The following PNPLA3 variants were observed in gnomAD, a reference collection of about 807,000 sequenced individuals.
PNPLA3 encodes patatin like domain 3, 1-acylglycerol-3-phosphate O-acyltransferase.
In PNPLA3, 42 loss-of-function variants were observed where a neutral mutation model predicts 43.1. The observed-to-expected ratio is 0.97, with a 90% CI of 0.76 to 1.26. The LOEUF (loss-of-function observed/expected upper bound fraction) is 1.26, where lower values mean the gene tolerates loss of function less well. Ranked by LOEUF, PNPLA3 falls within the 50% of genes most tolerant of loss-of-function variation. The probability of loss-of-function intolerance (pLI) is 0.00; values close to 1 mark genes in which losing one functional copy is unlikely to be tolerated. For synonymous variants in PNPLA3, 272 were observed against 253.6 expected, an observed-to-expected ratio of 1.07 and a Z score of -0.69; for missense variants, 647 against 621.4, an observed-to-expected ratio of 1.04 and a Z score of -0.44.
chr22:43,927,820 G>A (rs2049935016), intron 2 of PNPLA3, among the ~76,000 whole-genome samples: 2 of 152,152 alleles, frequency 1.3e-5, no homozygotes, highest in South Asian at 4.1e-4. Flanking sequence ...TGTTGCCCAG[G>A]CTGGTCCCAA....
At chr22:43,944,602 T>C in intron 7 of PNPLA3, 89 bp from the exon 8 acceptor site, 1 of 1,022,070 alleles carries the variant, frequency 9.8e-7, no homozygotes. Flanking sequence ...TTGGAGGTGA[T>C]GTTGGCAGCT....
In PNPLA3 at chr22:43,936,602, CT is replaced by C. The variant is rs550457731; in HGVS notation, c.758-448del. Among the ~76,000 whole-genome samples, 13 of 152,342 alleles carry C rather than the reference CT, an allele frequency of 8.5e-5. No individual in the cohort carries two copies. In the South Asian group the frequency reaches 1.9e-3, roughly 22 times the overall value. The stretch of plus-strand genomic sequence containing the variant: ...TCAGACCCAGCTTCAAATCCTGGCT[CT>C]GCTATGTATTGGCTGCGTGGCTTTA... On this transcript the variant is annotated intron_variant, in intron 5 of 8. Transcript: ENST00000216180.
chr22:43,946,939 G>C lies in PNPLA3; in HGVS notation c.*557G>C. The C allele has an allele frequency of 3.2e-6, 1 of 311,290 alleles. No individual in the cohort carries two copies. The highest frequency in any genetic ancestry group is 6.3e-6 in the Non-Finnish European group (1 of 158,778). 19.3% of individuals were successfully genotyped at this position (311,290 alleles called of 1,614,324 possible). A position where few individuals can be genotyped will look rare whatever the true frequency, so the allele number is the denominator to read the frequency against. ...CAAGATGATAATCTACTTAATTTTA[G>C]AACACCTTTTTCACCTAACTAAAAT... On this transcript the variant is annotated 3_prime_UTR_variant, in exon 9 of 9. Transcript: ENST00000216180.
At chr22:43,934,274 G>A (rs185938283) in intron 4 of PNPLA3, among the ~76,000 whole-genome samples, 3 of 146,248 alleles carry the variant, frequency 2.1e-5, no homozygotes, top group African/African-American at 7.7e-5. Context: ...CCGAGATCAC[G>A]CCACTGCACT....
chr22:43,934,763 G>A, intron 5 of PNPLA3, 97 bp downstream of exon 5: 1 of 1,142,596 alleles, frequency 8.8e-7, no homozygotes, highest in South Asian at 1.3e-5. Context: ...CTAACACTTA[G>A]TGCCCAACGC....
chr22:43,929,361 A>G (rs2049946621), intron 3 of PNPLA3, among the ~76,000 whole-genome samples: 1 of 151,614 alleles, frequency 6.6e-6, no homozygotes, highest in African/African-American at 2.4e-5. Context: ...CTGTAATCCC[A>G]GCTGCTCGGG....
At chr22:43,929,187 T>C (rs778269811) in intron 3 of PNPLA3, among the ~76,000 whole-genome samples, 1 of 152,178 alleles carries the variant, frequency 6.6e-6, no homozygotes, top group African/African-American at 2.4e-5. Flanking sequence ...TTAAACTATA[T>C]GATGTTGGCC....
Position 43,934,627 on chromosome 22 carries a change from C to A in PNPLA3, c.718C>A (p.Arg240=). 6.2e-7 allele frequency: 1 copy of A among 1,613,866 alleles called. No individual in the cohort carries two copies. Among genetic ancestry groups the A allele is most frequent in the Non-Finnish European group, 8.5e-7 (1 of 1,179,856 alleles). The change falls in exon 5 of 9, where the codon CGA becomes AGA. Residue 240 remains arginine (R), a synonymous_variant. Transcript: ENST00000216180. ...DLKVLGEICL[R]GYLDAFRFLE... is the part of the protein sequence containing the mutation. ...ACAGGTGCTGGGAGAGATATGCCTTCGAGGATATTTGGATGCATTCAGGTT... is the reference window on the plus strand; with the variant it reads ...ACAGGTGCTGGGAGAGATATGCCTTAGAGGATATTTGGATGCATTCAGGTT...
intron 3 of PNPLA3, among the ~76,000 whole-genome samples, chr22:43,931,779 G>A (rs886102420): frequency 2.0e-5 from 3 of 152,178 alleles, no homozygotes; most frequent in Admixed American, 1.3e-4. Context: ...GCCTTCCAAA[G>A]TGCTGGGATT....
intron 2 of PNPLA3, among the ~76,000 whole-genome samples, chr22:43,928,531 C>T (rs1470250374): frequency 6.6e-6 from 1 of 151,898 alleles, no homozygotes; most frequent in Non-Finnish European, 1.5e-5. Context: ...CATGAGCCAA[C>T]AACCCTTGGT....
chr22:43,936,643 C>T (rs1040650867), intron 5 of PNPLA3, among the ~76,000 whole-genome samples: 7 of 152,196 alleles, frequency 4.6e-5, no homozygotes, highest in African/African-American at 1.4e-4. Context: ...AGTCTTTTAA[C>T]CTTGCTGTGC....
At chr22:43,928,437 C>T (rs998672331) in intron 2 of PNPLA3, among the ~76,000 whole-genome samples, 14 of 152,198 alleles carry the variant, frequency 9.2e-5, no homozygotes, top group African/African-American at 2.9e-4. Flanking sequence ...TGGGGAGGGA[C>T]GCAGAATCTC....
Position 43,927,126 on chromosome 22 carries a change from G to C in PNPLA3, c.379G>C (p.Val127Leu). 3 of 1,614,220 alleles carry C rather than the reference G, an allele frequency of 1.9e-6. No homozygotes were observed. The highest frequency in any genetic ancestry group is 4.5e-5 in the East Asian group (2 of 44,890). ...SLTRVSDGENVLVSDFRSKDE... is the reference protein window; with the variant it reads ...SLTRVSDGENLLVSDFRSKDE... ...TACCAGAGTGTCTGATGGGGAAAAC[G>C]TTCTGGTGTCTGACTTTCGGTCCAA... is the stretch of plus-strand genomic sequence containing the variant. The change falls in exon 2 of 9, where the codon GTT becomes CTT. Residue 127 changes from valine (V) to leucine (L), a missense_variant. Transcript: ENST00000216180.
At position 43,946,279 on chromosome 22, in the gene PNPLA3, C is replaced by A. The variant is rs758435999; in HGVS notation, c.1343C>A (p.Ser448Tyr). 10 of 1,614,200 alleles carry A rather than the reference C, an allele frequency of 6.2e-6. No individual in the cohort carries two copies. The highest frequency in any genetic ancestry group is 7.6e-6 in the Non-Finnish European group (9 of 1,180,040). ...AETKAEATPR[S>Y]ILRSSLNFFL... ...ACCAAAGCAGAGGCCACCCCGCGGT[C>A]CATCCTCAGGTCCAGCCTGAACTTC... Residue 448 changes from serine to tyrosine, a missense_variant, in exon 9 of 9, where the codon TCC (serine) becomes TAC (tyrosine). Ser to Tyr is a moderately radical substitution (Grantham distance 144). Transcript: ENST00000216180.
Position 43,937,286 on chromosome 22 carries a change from G to C in PNPLA3, c.979+14G>C, listed in dbSNP as rs201018970. The C allele has an allele frequency of 6.2e-7, 1 of 1,610,512 alleles. No individual in the cohort carries two copies. Among genetic ancestry groups the C allele is most frequent in the Non-Finnish European group, 8.5e-7 (1 of 1,178,164 alleles). ...GGCTCGCTACAGGTACCCACTCCTCGGGGTGAGCACGGGCAGCACCTTGTT... is the reference window on the plus strand; with the variant it reads ...GGCTCGCTACAGGTACCCACTCCTCCGGGTGAGCACGGGCAGCACCTTGTT... On this transcript the variant is annotated intron_variant, in intron 6 of 8. Coordinates refer to ENST00000216180, the MANE Select transcript of PNPLA3 (RefSeq NM_025225.3).
Position 43,946,236 on chromosome 22 carries a change from A to G in PNPLA3, c.1300A>G (p.Lys434Glu), listed in dbSNP as rs2294918. The change falls in exon 9 of 9, where the codon AAG becomes GAG. Residue 434 changes from lysine (K) to glutamate (E), a missense_variant. Coordinates refer to ENST00000216180, the MANE Select transcript of PNPLA3 (RefSeq NM_025225.3). Reference protein sequence around the residue: ...DWPCWTPCSPKGCPAETKAEA... With the variant: ...DWPCWTPCSPEGCPAETKAEA... ...GCCCTGCTGGACTCCCTGCTCCCCC[A>G]AGGGCTGTCCAGCAGAGACCAAAGC... 0.63 allele frequency: 1,015,096 copies of G among 1,613,890 alleles called. 324,921 individuals carry two copies. Among genetic ancestry groups the G allele is most frequent in the African/African-American group, 0.87 (64,888 of 75,006 alleles).
At chr22:43,927,195 T>C in intron 2 of PNPLA3, 28 bp downstream of exon 2, 1 of 1,600,316 alleles carries the variant, frequency 6.2e-7, no homozygotes, top group Non-Finnish European at 8.6e-7. Context: ...CTGGACGTTG[T>C]CAAGTTAGAA....
intron 1 of PNPLA3, among the ~76,000 whole-genome samples, chr22:43,925,429 G>T (rs897607616): frequency 2.0e-5 from 3 of 152,170 alleles, no homozygotes; most frequent in Admixed American, 2.0e-4. Context: ...GGGGCAAGTA[G>T]CATTGTGAAG....
At chr22:43,931,399 G>A (rs954678524) in intron 3 of PNPLA3, among the ~76,000 whole-genome samples, 1 of 152,218 alleles carries the variant, frequency 6.6e-6, no homozygotes, top group African/African-American at 2.4e-5. Context: ...GTACATGGCA[G>A]GAGAATATTT....
Sources: gnomAD v4.1 joint callset for allele counts (sites outside exome capture counted in the v4.1 genomes callset) on GRCh38, gnomAD v4.1.1 for gene constraint, MANE v1.5 for transcripts, NCBI Gene and HGNC (gene_info 2026-07-23, HGNC 2026-07-21) for gene names.